Variants in PUDP observed in about 807,000 individuals in gnomAD.
The protein encoded by PUDP is pseudouridine 5'-phosphatase.
PUDP carries 8 observed loss-of-function variants against 9.4 expected under a neutral mutation model. The observed-to-expected ratio is 0.85, with a 90% CI of 0.50 to 1.53. PUDP has a LOEUF of 1.53. Ranked by LOEUF, PUDP falls within the 40% of genes most tolerant of loss-of-function variation. The pLI is 0.00. For missense variants in PUDP, 188 were observed against 189.7 expected (o/e 0.99, Z 0.05); for synonymous variants, 99 against 80.7 (o/e 1.23, Z -1.22).
chrX:6,867,687 TG>T (rs1172566323), intron 3 of PUDP, among the ~76,000 whole-genome samples: 1 of 111,400 alleles, frequency 9.0e-6, no homozygotes, highest in Admixed American at 9.6e-5. Flanking sequence ...GTGGTGGTGG[TG>T]GTGCCGAAAG....
intron 2 of PUDP, among the ~76,000 whole-genome samples, chrX:7,091,918 T>C (rs1397238578): frequency 8.9e-6 from 1 of 112,626 alleles, no homozygotes; most frequent in African/African-American, 3.2e-5. Context: ...GTTAACATAA[T>C]AGCTCATTCA....
intron 1 of PUDP, among the ~76,000 whole-genome samples, chrX:7,145,818 T>C (rs993677821): frequency 8.1e-5 from 9 of 111,722 alleles, no homozygotes; most frequent in Non-Finnish European, 1.3e-4. Flanking sequence ...TGGGGCTACA[T>C]AGACAAACAG....
chrX:6,978,588 A>T lies in PUDP; in HGVS notation c.205-245T>A, dbSNP rs751273498. Among the ~76,000 whole-genome samples the T allele has an allele frequency of 1.6e-3, 178 of 112,434 alleles. 1 individual carries two copies. Among genetic ancestry groups the T allele is most frequent in the African/African-American group, 5.4e-3 (168 of 30,939 alleles). ...GTTAAAAATGTTTATAATAACAGAC[A>T]GATGACGTAACAAAAAATGAACAAC... is the stretch of plus-strand genomic sequence containing the variant. On this transcript the variant is annotated intron_variant and NMD_transcript_variant, in intron 1 of 3. Transcript: ENST00000655425.
Position 7,011,430 on chromosome X carries a change from G to A in PUDP, c.205-33087C>T, listed in dbSNP as rs376125582. Among the ~76,000 whole-genome samples the A allele has an allele frequency of 1.2e-4, 13 of 111,377 alleles. No homozygotes were observed. The South Asian group carries it at 2.3e-3, about 20-fold the overall frequency. ...AGTGGAAAATACCCAACAGTGTACT[G>A]TATGCTGACTCTGTCATTTCCTGCC... On this transcript the variant is annotated intron_variant and NMD_transcript_variant, in intron 1 of 3. Transcript: ENST00000655425.
chrX:6,816,586 G>T (rs1405849260), intron 3 of PUDP, among the ~76,000 whole-genome samples: 1 of 98,789 alleles, frequency 1.0e-5, no homozygotes, highest in African/African-American at 3.6e-5. Context: ...TATAATATAC[G>T]TACACTATAC....
chrX:6,793,169 A>G (rs1925779793), intron 3 of PUDP, among the ~76,000 whole-genome samples: 1 of 112,749 alleles, frequency 8.9e-6, no homozygotes, highest in Non-Finnish European at 1.9e-5. Context: ...TCCAGAGGAG[A>G]CAGACTATTA....
At chrX:7,027,838 C>CTA (rs1156984294) in intron 1 of PUDP, among the ~76,000 whole-genome samples, 1 of 79,704 alleles carries the variant, frequency 1.3e-5, no homozygotes, top group Non-Finnish European at 2.3e-5. Context: ...ATACTATATT[C>CTA]TATATATAGA....
chrX:6,716,061 G>A (rs990784362), intron 1 of PUDP, among the ~76,000 whole-genome samples: 7 of 110,529 alleles, frequency 6.3e-5, no homozygotes, highest in Non-Finnish European at 1.3e-4. Context: ...TAAAAGAAAG[G>A]CTTAGAGGTT....
chrX:7,018,011 C>T (rs1470247196), intron 1 of PUDP, among the ~76,000 whole-genome samples: 2 of 111,695 alleles, frequency 1.8e-5, no homozygotes, highest in Non-Finnish European at 3.8e-5. Context: ...CATTGGTACA[C>T]TCCCACCAGC....
At chrX:7,072,570 T>A (rs1458061545) in intron 3 of PUDP, among the ~76,000 whole-genome samples, 1 of 111,217 alleles carries the variant, frequency 9.0e-6, no homozygotes, top group Non-Finnish European at 1.9e-5. Context: ...TCCCAGCACT[T>A]TGGGAGGCCG....
rs1376969683 is a variant in PUDP, at chrX:7,105,840, T to A, written c.62-2A>T. ...CCACTGAATACAGCCGTTCAGTATC[T>A]GCAGGAAAAAAAAAAGAGATTTTTA... On this transcript the variant is annotated splice_acceptor_variant, in intron 1 of 3. Coordinates refer to ENST00000381077, the MANE Select transcript of PUDP (RefSeq NM_012080.5). LOFTEE classifies it high-confidence loss of function. 8.6e-7 allele frequency: 1 copy of A among 1,158,280 alleles called. No homozygotes were observed. Among genetic ancestry groups the A allele is most frequent in the African/African-American group, 1.8e-5 (1 of 55,775 alleles).
chrX:6,918,456 T>C (rs1382216349), intron 3 of PUDP, among the ~76,000 whole-genome samples: 1 of 97,937 alleles, frequency 1.0e-5, no homozygotes, highest in African/African-American at 3.5e-5. Context: ...TTCTTTGAAA[T>C]ACAAAAAAAA....
intron 3 of PUDP, among the ~76,000 whole-genome samples, chrX:6,799,388 A>G (rs1041969298): frequency 5.4e-5 from 6 of 112,000 alleles, no homozygotes; most frequent in Admixed American, 9.5e-5. Context: ...GTACATAAAG[A>G]AAGGTATTTT....
intron 3 of PUDP, among the ~76,000 whole-genome samples, chrX:6,834,933 T>C (rs1444189768): frequency 9.0e-6 from 1 of 110,878 alleles, no homozygotes; most frequent in Non-Finnish European, 1.9e-5. Context: ...CAAGGTCACA[T>C]TGGGAATTAA....
At chrX:6,806,223 T>A (rs942192027) in intron 3 of PUDP, among the ~76,000 whole-genome samples, 1 of 112,418 alleles carries the variant, frequency 8.9e-6, no homozygotes, top group Non-Finnish European at 1.9e-5. Flanking sequence ...TATTTGGTGA[T>A]CATTTTAATA....
intron 3 of PUDP, among the ~76,000 whole-genome samples, chrX:6,802,120 G>A (rs939731772): frequency 1.8e-5 from 2 of 111,922 alleles, no homozygotes; most frequent in African/African-American, 6.5e-5. Context: ...TTAGCCTGTG[G>A]TTCATAGGCT....
intron 3 of PUDP, among the ~76,000 whole-genome samples, chrX:6,865,884 G>T (rs1009077012): frequency 9.1e-6 from 1 of 109,422 alleles, no homozygotes; most frequent in Non-Finnish European, 1.9e-5. Flanking sequence ...AAACAAGTAC[G>T]CACAGCAATG....
chrX:6,848,443 G>A (rs752161292), intron 3 of PUDP, among the ~76,000 whole-genome samples: 1 of 112,325 alleles, frequency 8.9e-6, no homozygotes, highest in South Asian at 3.8e-4. Context: ...CTAATATTAC[G>A]GATTTTATCT....
At chrX:7,035,095 T>C (rs762428167) in intron 1 of PUDP, among the ~76,000 whole-genome samples, 44 of 111,837 alleles carry the variant, frequency 3.9e-4, no homozygotes, top group Non-Finnish European at 6.2e-4. Context: ...TAAGGGATAT[T>C]AACTTCCTTA....
Sources: allele counts gnomAD v4.1 joint callset (sites outside exome capture counted in the v4.1 genomes callset), GRCh38; gene constraint gnomAD v4.1.1; transcripts MANE v1.5; gene names NCBI Gene and HGNC (gene_info 2026-07-23, HGNC 2026-07-21).